SCN8A: variants seen among roughly 807,000 people sequenced by gnomAD.
SCN8A encodes sodium channel protein type 8 subunit alpha.
SCN8A carries 30 observed loss-of-function variants against 184.1 expected under a neutral mutation model. That is an observed-to-expected ratio of 0.16 (90% CI 0.12 to 0.22). The LOEUF (loss-of-function observed/expected upper bound fraction) is 0.22. Among genes scored for constraint, SCN8A ranks in the 10% least tolerant of loss-of-function variants. The probability of loss-of-function intolerance (pLI) is 1.00; values close to 1 mark genes in which losing one functional copy is unlikely to be tolerated. For synonymous variants in SCN8A, 852 were observed against 907.0 expected (o/e 0.94, Z 1.09); for missense variants, 1,057 against 2,498.9 (o/e 0.42, Z 12.30).
At chr12:51,713,571 G>A (rs372421688) in intron 11 of SCN8A, 204 of 710,660 alleles carry the variant, frequency 2.9e-4, no homozygotes, top group South Asian at 2.3e-3. Context: ...GGCTGGAGTC[G>A]GACTGGGGGC....
At chr12:51,694,133 A>G (rs1226489095) in intron 6 of SCN8A, among the ~76,000 whole-genome samples, 1 of 152,146 alleles carries the variant, frequency 6.6e-6, no homozygotes, top group Non-Finnish European at 1.5e-5. Context: ...GGGTTTCACC[A>G]TGTTGGCCAG....
intron 16 of SCN8A, 90 bp from the exon 17 acceptor site, chr12:51,768,775 C>T (rs1393934551): frequency 1.7e-5 from 17 of 987,938 alleles, no homozygotes; most frequent in East Asian, 2.6e-5. Flanking sequence ...GAGTCTGTCA[C>T]GTGAAGTCCA....
At chr12:51,659,762 C>G (rs1940892345) in intron 1 of SCN8A, among the ~76,000 whole-genome samples, 1 of 152,080 alleles carries the variant, frequency 6.6e-6, no homozygotes, top group South Asian at 2.1e-4. Flanking sequence ...AATGGAAGCT[C>G]TTAAGGAAGA....
At chr12:51,786,021 A>G (rs1208224700) in intron 21 of SCN8A, among the ~76,000 whole-genome samples, 1 of 152,120 alleles carries the variant, frequency 6.6e-6, no homozygotes, top group East Asian at 1.9e-4. Flanking sequence ...ATGCTCAGCT[A>G]TTGCCTGAAA....
chr12:51,636,455 T>G (rs953140228), intron 1 of SCN8A, among the ~76,000 whole-genome samples: 6 of 152,238 alleles, frequency 3.9e-5, no homozygotes, highest in African/African-American at 1.4e-4. Context: ...TGCTCCATTT[T>G]ATTGACAACA....
At chr12:51,660,146 A>G (rs1205484013) in intron 1 of SCN8A, among the ~76,000 whole-genome samples, 3 of 152,210 alleles carry the variant, frequency 2.0e-5, no homozygotes, top group Admixed American at 1.3e-4. Context: ...AGGATAACAT[A>G]GTGTCACTTA....
chr12:51,605,528 A>T (rs1469027125), intron 1 of SCN8A, among the ~76,000 whole-genome samples: 1 of 152,184 alleles, frequency 6.6e-6, no homozygotes, highest in Non-Finnish European at 1.5e-5. Context: ...ACAATGTTGC[A>T]GTTGTGAATT....
chr12:51,737,336 A>G (rs1303605296), intron 12 of SCN8A, among the ~76,000 whole-genome samples: 4 of 152,212 alleles, frequency 2.6e-5, no homozygotes, highest in Non-Finnish European at 5.9e-5. Context: ...TGAAAAAATT[A>G]GCAAATCTAG....
At chr12:51,601,098 C>T (rs1939454314) in intron 1 of SCN8A, among the ~76,000 whole-genome samples, 1 of 152,146 alleles carries the variant, frequency 6.6e-6, no homozygotes, top group South Asian at 2.1e-4. Flanking sequence ...CTCAAAGTAA[C>T]AGTAATTAAG....
chr12:51,610,956 G>A (rs1939707875), intron 1 of SCN8A, among the ~76,000 whole-genome samples: 1 of 152,082 alleles, frequency 6.6e-6, no homozygotes, highest in Non-Finnish European at 1.5e-5. Flanking sequence ...TTTTGCCTTT[G>A]CATATAAATT....
At chr12:51,663,716 A>T (rs765010518) in intron 2 of SCN8A, among the ~76,000 whole-genome samples, 3 of 152,114 alleles carry the variant, frequency 2.0e-5, no homozygotes, top group Admixed American at 1.3e-4. Flanking sequence ...ACTAATCTTC[A>T]TTTGGCCAAG....
In SCN8A at chr12:51,774,396, C is replaced by G. The variant is rs112808329; in HGVS notation, c.3819+34C>G. 0.011 allele frequency: 16,868 copies of G among 1,561,726 alleles called. 120 individuals are homozygous for G. Among genetic ancestry groups the G allele is most frequent in the Non-Finnish European group, 0.013 (14,737 of 1,154,054 alleles). On this transcript the variant is annotated intron_variant, in intron 20 of 26. Coordinates refer to ENST00000627620, the MANE Select transcript of SCN8A (RefSeq NM_001330260.2). The stretch of plus-strand genomic sequence containing the variant: ...CTTGCTTTCTGTTTCCCACCCCTTC[C>G]AGCAGGAACACAGAAACAGGGGTCT...
intron 1 of SCN8A, among the ~76,000 whole-genome samples, chr12:51,625,304 C>A (rs1417369129): frequency 2.0e-5 from 3 of 152,168 alleles, no homozygotes; most frequent in South Asian, 2.1e-4. Context: ...TTTCACCTAG[C>A]AAAATGTATT....
intron 1 of SCN8A, among the ~76,000 whole-genome samples, chr12:51,644,893 G>C (rs1418692483): frequency 6.6e-5 from 10 of 151,242 alleles, no homozygotes; most frequent in Non-Finnish European, 1.3e-4. Context: ...CAACCGCCCC[G>C]TCTGAGAAGT....
At chr12:51,742,361 G>A (rs1255878325) in intron 12 of SCN8A, among the ~76,000 whole-genome samples, 1 of 152,128 alleles carries the variant, frequency 6.6e-6, no homozygotes, top group African/African-American at 2.4e-5. Flanking sequence ...CCTTTTAGCA[G>A]TTCCTGTAGG....
At chr12:51,799,813 C>T (rs149339927) in intron 26 of SCN8A, among the ~76,000 whole-genome samples, 3 of 152,314 alleles carry the variant, frequency 2.0e-5, no homozygotes, top group Non-Finnish European at 4.4e-5. Flanking sequence ...TAGGAGAGGC[C>T]AAATGCAACA....
intron 10 of SCN8A, 92 bp from the exon 11 acceptor site, chr12:51,706,330 C>T: frequency 1.6e-6 from 2 of 1,250,754 alleles, no homozygotes; most frequent in Non-Finnish European, 2.1e-6. Flanking sequence ...CCTTTCCCTT[C>T]AGTAGGGAAA....
intron 7 of SCN8A, 59 bp downstream of exon 7, chr12:51,699,850 C>A: frequency 7.0e-7 from 1 of 1,433,652 alleles, no homozygotes; most frequent in South Asian, 1.2e-5. Flanking sequence ...TTCACATGGT[C>A]AGAAGCTACC....
intron 1 of SCN8A, among the ~76,000 whole-genome samples, chr12:51,624,898 C>T (rs150058888): frequency 4.6e-5 from 7 of 151,994 alleles, no homozygotes; most frequent in African/African-American, 1.7e-4. Flanking sequence ...GTTCAAAACA[C>T]TATTTTCTAA....
Sources: allele counts gnomAD v4.1 joint callset (sites outside exome capture counted in the v4.1 genomes callset), GRCh38; gene constraint gnomAD v4.1.1; transcripts MANE v1.5; gene names NCBI Gene and HGNC (gene_info 2026-07-23, HGNC 2026-07-21).